NEB: variants seen among roughly 807,000 people sequenced by gnomAD.
The protein encoded by NEB is nemaline myopathy type 2.
NEB carries 512 observed loss-of-function variants against 952.2 expected under a neutral mutation model. That is an observed-to-expected ratio of 0.54 (90% CI 0.50 to 0.58). The LOEUF is 0.58. Ranked by LOEUF, NEB falls within the 20% of genes least tolerant of loss-of-function variation. The pLI, the probability that NEB is intolerant of heterozygous loss-of-function variation, is 0.00. For synonymous variants in NEB, 2,900 were observed against 3,149.8 expected (o/e 0.92, Z 2.66); for missense variants, 8,428 against 9,231.1 (o/e 0.91, Z 3.56).
chr2:151,677,242 T>G (rs974466616), intron 34 of NEB, among the ~76,000 whole-genome samples: 1 of 152,234 alleles, frequency 6.6e-6, no homozygotes, highest in African/African-American at 2.4e-5. Context: ...GGATTTAAGC[T>G]TAAATTCTGT....
chr2:151,644,636 T>A, intron 55 of NEB, 61 bp from the exon 56 acceptor site: 1 of 1,320,214 alleles, frequency 7.6e-7, no homozygotes, highest in East Asian at 2.3e-5. Context: ...TATAGCATAA[T>A]GATCAAATGT....
intron 27 of NEB, among the ~76,000 whole-genome samples, chr2:151,686,649 T>TTAAA (rs2099501705): frequency 2.0e-5 from 3 of 152,122 alleles, no homozygotes; most frequent in Admixed American, 6.6e-5. Context: ...AAAAGCATGG[T>TTAAA]TAAATCTAAA....
At chr2:151,719,485 T>G (rs2099768341) in intron 9 of NEB, among the ~76,000 whole-genome samples, 1 of 152,218 alleles carries the variant, frequency 6.6e-6, no homozygotes, top group Non-Finnish European at 1.5e-5. Flanking sequence ...ATCTACCTAG[T>G]GCCTATAACA....
At chr2:151,620,119 A>C (rs940327033) in intron 72 of NEB, among the ~76,000 whole-genome samples, 1 of 151,940 alleles carries the variant, frequency 6.6e-6, no homozygotes, top group Non-Finnish European at 1.5e-5. Context: ...GGATCATTAA[A>C]ATTTTCTAGC....
Position 151,526,903 on chromosome 2 carries a change from G to T in NEB, c.21945+15C>A. The stretch of plus-strand genomic sequence containing the variant: ...TGAGTGAGGTTAGGCATCATGGAAG[G>T]AACTAGGTACTTACATCACTTTCTA... On this transcript the variant is annotated intron_variant, in intron 148 of 181. Transcript: ENST00000397345. 5.9e-6 allele frequency: 9 copies of T among 1,530,748 alleles called. No individual in the cohort carries two copies. The highest frequency in any genetic ancestry group is 8.0e-6 in the Non-Finnish European group (9 of 1,118,234). The allele number at this position is 1,530,748 out of a possible 1,614,324, so 94.8% of individuals were successfully genotyped here.
At chr2:151,537,617 G>T (rs1456242465) in intron 140 of NEB, among the ~76,000 whole-genome samples, 1 of 152,102 alleles carries the variant, frequency 6.6e-6, no homozygotes, top group Non-Finnish European at 1.5e-5. Flanking sequence ...TTTCCTAGAT[G>T]ATATATATCA....
In NEB at chr2:151,664,587, C is replaced by T. The variant is rs774196513; in HGVS notation, c.5365G>A (p.Glu1789Lys). ...MSDKLYKAGWEEEKKKGYDLR... is the reference protein window; with the variant it reads ...MSDKLYKAGWKEEKKKGYDLR... ...TCATATCCTTTCTTCTTTTCCTCTT[C>T]CCAGCCAGCTTTGTACAGTTTCTAA... The change falls in exon 44 of 182, where the codon GAA becomes AAA. Residue 1789 changes from glutamate to lysine, a missense_variant. This residue lies in a region of NEB where 2,851 missense variants were observed against 2,791.5 expected (regional missense o/e 1.02). Transcript: ENST00000397345. 5 of 1,606,620 alleles carry T rather than the reference C, an allele frequency of 3.1e-6. No individual in the cohort carries two copies. Among genetic ancestry groups the T allele is most frequent in the Non-Finnish European group, 4.3e-6 (5 of 1,176,412 alleles).
rs2076368324 is a variant in NEB, at chr2:151,514,266, CA to C, written c.23127+51del. The C allele has an allele frequency of 4.6e-6, 6 of 1,302,590 alleles. No homozygotes were observed. The East Asian group carries it at 1.4e-4, about 30-fold the overall frequency. 80.7% of individuals were successfully genotyped at this position (1,302,590 alleles called of 1,614,324 possible). On this transcript the variant is annotated intron_variant, in intron 159 of 181. Coordinates refer to ENST00000397345, the MANE Select transcript of NEB (RefSeq NM_001164508.2). ...GCTTTTTCTGGTGTAATTTGGCTAACAAAGAAATGATGCTGTATGAATTACG... is the reference window on the plus strand; with the variant it reads ...GCTTTTTCTGGTGTAATTTGGCTAACAAGAAATGATGCTGTATGAATTACG...
intron 11 of NEB, among the ~76,000 whole-genome samples, chr2:151,710,178 C>T (rs1442909425): frequency 2.0e-5 from 3 of 152,184 alleles, no homozygotes; most frequent in African/African-American, 7.2e-5. Context: ...ACTTTGCAGT[C>T]AGTAAGAGGG....
At chr2:151,521,658 A>G (rs574356522) in intron 153 of NEB, among the ~76,000 whole-genome samples, 1 of 152,360 alleles carries the variant, frequency 6.6e-6, no homozygotes, top group Non-Finnish European at 1.5e-5. Flanking sequence ...TGTCTTTTAG[A>G]AGATACTTGT....
At chr2:151,655,422 C>A in intron 50 of NEB, 48 bp from the exon 51 acceptor site, 2 of 1,103,498 alleles carry the variant, frequency 1.8e-6, no homozygotes, top group East Asian at 2.5e-5. Flanking sequence ...CTGGGACAAG[C>A]AGGAAAGAAA....
chr2:151,486,065 A>G (rs2050072030), intron 181 of NEB, 132 bp from the exon 182 acceptor site: 5 of 918,020 alleles, frequency 5.4e-6, no homozygotes, highest in Middle Eastern at 2.2e-4. Context: ...GCAAGCATCA[A>G]CAAAGTAAAA....
rs527492258 is a variant in NEB, at chr2:151,691,873, C to G, written c.2202G>C (p.Gln734His). The change falls in exon 23 of 182, where the codon CAG (glutamine) becomes CAC (histidine). Residue 734 changes from glutamine to histidine, a missense_variant. This residue lies in a region of NEB where 2,851 missense variants were observed against 2,791.5 expected (regional missense o/e 1.02). Transcript: ENST00000397345. ...AGGGCAGCTAACTTACATCTTTACA[C>G]TGGTCCAGCTTCTTGATTGCTTCAT... ...QEYEAIKKLD[Q>H]CKDHTYKVHP... The G allele has an allele frequency of 1.9e-5, 30 of 1,593,540 alleles. 1 individual carries two copies. The South Asian group carries it at 2.9e-4, about 16-fold the overall frequency.
At chr2:151,562,446 A>C (rs2096126463) in intron 120 of NEB, among the ~76,000 whole-genome samples, 165 bp downstream of exon 120, 1 of 152,164 alleles carries the variant, frequency 6.6e-6, no homozygotes, top group Non-Finnish European at 1.5e-5. Context: ...CCTATGGCTT[A>C]GGGTGGATTC....
chr2:151,504,613 C>T (rs1367120816), intron 165 of NEB, among the ~76,000 whole-genome samples: 1 of 152,168 alleles, frequency 6.6e-6, no homozygotes, highest in Non-Finnish European at 1.5e-5. Flanking sequence ...AGAGTTCAGT[C>T]CTCCATTGAC....
chr2:151,507,935 T>G (rs1421554467), intron 162 of NEB, 70 bp downstream of exon 162: 4 of 1,085,838 alleles, frequency 3.7e-6, no homozygotes, highest in Non-Finnish European at 5.5e-6. Flanking sequence ...AAGCCTGGGA[T>G]ATCCAGAGGC....
chr2:151,556,440 A>G (rs1052721942), intron 124 of NEB, among the ~76,000 whole-genome samples: 4 of 152,218 alleles, frequency 2.6e-5, no homozygotes, highest in African/African-American at 9.6e-5. Flanking sequence ...TGGTCAAAAC[A>G]TGTTTGAGAA....
At chr2:151,489,147 T>C (rs180861957) in intron 181 of NEB, among the ~76,000 whole-genome samples, 17 of 152,344 alleles carry the variant, frequency 1.1e-4, no homozygotes, top group Middle Eastern at 6.8e-3. Flanking sequence ...TTAAATATAA[T>C]AGGTCTAACA....
In NEB at chr2:151,562,785, C is replaced by A. The variant is rs764858912; in HGVS notation, c.18717G>T (p.Glu6239Asp). 2 of 1,577,818 alleles carry A rather than the reference C, an allele frequency of 1.3e-6. No homozygotes were observed. Among genetic ancestry groups the A allele is most frequent in the South Asian group, 2.3e-5 (2 of 86,238 alleles). ...RSALNYRKHYEDTKANVHIPN... is the reference protein window; with the variant it reads ...RSALNYRKHYDDTKANVHIPN... Reference sequence around the variant, plus strand: ...GGATATGAACATTTGCTTTGGTATCCTCATAATGTTTTCTGTAGTTCAACT... The same window carrying A: ...GGATATGAACATTTGCTTTGGTATCATCATAATGTTTTCTGTAGTTCAACT... Residue 6239 changes from glutamate to aspartate, a missense_variant, in exon 120 of 182, where the codon GAG becomes GAT. Physicochemically the swap from Glu to Asp is conservative, Grantham distance 45. Coordinates refer to ENST00000397345, the MANE Select transcript of NEB (RefSeq NM_001164508.2).
Sources: gnomAD v4.1 joint callset for allele counts (sites outside exome capture counted in the v4.1 genomes callset) on GRCh38, gnomAD v4.1.1 for gene constraint, gnomAD v4.1.1 regional missense constraint, MANE v1.5 for transcripts, NCBI Gene and HGNC (gene_info 2026-07-23, HGNC 2026-07-21) for gene names.